FRYL: variants seen among roughly 807,000 people sequenced by gnomAD.
The protein encoded by FRYL is FRY like transcription coactivator, also known as protein furry homolog-like.
FRYL carries 150 observed loss-of-function variants against 351.2 expected under a neutral mutation model. That is an observed-to-expected ratio of 0.43 (90% CI 0.37 to 0.49). FRYL has a LOEUF of 0.49. FRYL is among the 20% of genes least tolerant of loss of function. The pLI is 0.00. For synonymous variants in FRYL, 1,153 were observed against 1,257.1 expected (o/e 0.92, Z 1.75); for missense variants, 3,036 against 3,619.3 (o/e 0.84, Z 4.13).
chr4:48,611,263 ATAGTTGT>A (rs1220730976), intron 7 of FRYL, among the ~76,000 whole-genome samples: 1 of 152,112 alleles, frequency 6.6e-6, no homozygotes, highest in Non-Finnish European at 1.5e-5. Flanking sequence ...TGTTACATAA[ATAGTTGT>A]TATACTGTAT....
chr4:48,725,553 T>C (rs1769981332), intron 1 of FRYL, among the ~76,000 whole-genome samples: 1 of 152,222 alleles, frequency 6.6e-6, no homozygotes, highest in African/African-American at 2.4e-5. Flanking sequence ...TCATTCTCAG[T>C]AGCGTGATGA....
At chr4:48,577,444 A>G (rs1487567627) in intron 23 of FRYL, among the ~76,000 whole-genome samples, 1 of 152,230 alleles carries the variant, frequency 6.6e-6, no homozygotes, top group Non-Finnish European at 1.5e-5. Flanking sequence ...ATGTCCTAGT[A>G]TGTTAGAAAA....
intron 3 of FRYL, among the ~76,000 whole-genome samples, chr4:48,644,971 T>G (rs1187403947): frequency 6.7e-6 from 1 of 150,024 alleles, no homozygotes; most frequent in African/African-American, 2.4e-5. Context: ...TACAAAATAA[T>G]AAGAAAAAGA....
chr4:48,598,857 C>T (rs1745142200), intron 13 of FRYL: 1 of 984,870 alleles, frequency 1.0e-6, no homozygotes, highest in Middle Eastern at 5.2e-4. Flanking sequence ...TTTTCTGATA[C>T]TGTTGTTAGA....
Position 48,699,956 on chromosome 4 carries a change from A to G in FRYL, c.-204+10563T>C, listed in dbSNP as rs1179880414. ...TTAACTAGAATATTTATTAGAGTAA[A>G]GCAAAAAGACAAAAAAAATTTAAGT... is the stretch of plus-strand genomic sequence containing the variant. On this transcript the variant is annotated intron_variant, in intron 2 of 63. Transcript: ENST00000358350. Among the ~76,000 whole-genome samples, 5 of 152,186 alleles carry G rather than the reference A, an allele frequency of 3.3e-5. No homozygotes were observed. The East Asian group carries it at 9.6e-4, about 29-fold the overall frequency.
chr4:48,770,679 T>C (rs1405597677), intron 1 of FRYL, among the ~76,000 whole-genome samples: 3 of 152,104 alleles, frequency 2.0e-5, no homozygotes, highest in Non-Finnish European at 4.4e-5. Context: ...TCAGGTGATC[T>C]GCCCGCCTCA....
chr4:48,501,018 G>A (rs541697877), intron 62 of FRYL, among the ~76,000 whole-genome samples: 10 of 150,932 alleles, frequency 6.6e-5, no homozygotes, highest in African/African-American at 2.4e-4. Context: ...CCCAGGAGGT[G>A]GAAGTTGCAG....
intron 1 of FRYL, among the ~76,000 whole-genome samples, chr4:48,711,254 G>A (rs997581868): frequency 1.3e-5 from 2 of 152,268 alleles, no homozygotes; most frequent in African/African-American, 4.8e-5. Context: ...GCCGAAGCAG[G>A]ATGAGGCATT....
chr4:48,663,131 T>C (rs181410128), intron 3 of FRYL, among the ~76,000 whole-genome samples: 4 of 151,972 alleles, frequency 2.6e-5, no homozygotes, highest in African/African-American at 4.8e-5. Context: ...AAAGTAAAAG[T>C]AATTAACAAT....
At chr4:48,524,779 G>C (rs1478900931) in intron 53 of FRYL, among the ~76,000 whole-genome samples, 1 of 152,070 alleles carries the variant, frequency 6.6e-6, no homozygotes, top group Non-Finnish European at 1.5e-5. Flanking sequence ...GAATGAACTT[G>C]AAAGCATTTA....
At chr4:48,651,881 A>G (rs1757775819) in intron 3 of FRYL, among the ~76,000 whole-genome samples, 1 of 152,240 alleles carries the variant, frequency 6.6e-6, no homozygotes, top group Non-Finnish European at 1.5e-5. Context: ...CCAGGGCTAC[A>G]GCAGACAAGG....
intron 7 of FRYL, among the ~76,000 whole-genome samples, chr4:48,610,126 A>G (rs1421742802): frequency 6.6e-6 from 1 of 152,176 alleles, no homozygotes; most frequent in Admixed American, 6.6e-5. Context: ...CAAACTAAAA[A>G]GACATGTACA....
intron 7 of FRYL, chr4:48,618,135 T>C (rs560802354): frequency 1.2e-4 from 18 of 152,292 alleles, no homozygotes; most frequent in Admixed American, 7.2e-4. Context: ...GAAGTCAAAT[T>C]TGGCTTGTTA....
chr4:48,620,831 A>C, intron 5 of FRYL, 53 bp from the exon 6 acceptor site: 1 of 1,470,546 alleles, frequency 6.8e-7, no homozygotes, highest in Non-Finnish European at 9.4e-7. Context: ...AATGTACCAC[A>C]CTCTTAAGTT....
intron 3 of FRYL, among the ~76,000 whole-genome samples, chr4:48,640,024 C>T (rs1355963850): frequency 3.3e-5 from 5 of 152,048 alleles, no homozygotes; most frequent in Non-Finnish European, 5.9e-5. Flanking sequence ...CGGGTGAGGA[C>T]GTGGAGCAAC....
chr4:48,541,196 T>C (rs187094483), intron 45 of FRYL, among the ~76,000 whole-genome samples: 297 of 152,330 alleles, frequency 1.9e-3, no homozygotes, highest in African/African-American at 6.6e-3. Context: ...CTCTACTTGC[T>C]GAGAAAATTC....
At chr4:48,641,571 G>A (rs547542948) in intron 3 of FRYL, among the ~76,000 whole-genome samples, 48 of 152,118 alleles carry the variant, frequency 3.2e-4, no homozygotes, top group African/African-American at 1.1e-3. Context: ...CGACTGGCTC[G>A]TAGGAATTAG....
chr4:48,591,297 C>A (rs1390386090), intron 16 of FRYL, among the ~76,000 whole-genome samples: 1 of 152,158 alleles, frequency 6.6e-6, no homozygotes, highest in Admixed American at 6.6e-5. Flanking sequence ...TTGTTGGAAT[C>A]CCATCTGTTC....
chr4:48,687,534 G>T (rs927009034), intron 2 of FRYL, among the ~76,000 whole-genome samples: 2 of 148,982 alleles, frequency 1.3e-5, no homozygotes, highest in South Asian at 2.1e-4. Flanking sequence ...GGAAAGCCTC[G>T]CTTCACTTCA....
Sources: gnomAD v4.1 joint callset for allele counts (sites outside exome capture counted in the v4.1 genomes callset) on GRCh38, gnomAD v4.1.1 for gene constraint, MANE v1.5 for transcripts, NCBI Gene and HGNC (gene_info 2026-07-23, HGNC 2026-07-21) for gene names.